Variants in UTS2 observed in about 807,000 individuals in gnomAD.
UTS2 encodes urotensin 2, also known as urotensin-2.
Under a neutral mutation model 12.6 loss-of-function variants are expected in UTS2, and 10 were observed. The ratio of observed to expected loss-of-function variants is 0.80; its 90% confidence interval spans 0.49 to 1.35. The LOEUF (loss-of-function observed/expected upper bound fraction) is 1.35. UTS2 is among the 40% of genes most tolerant of loss of function. The probability of loss-of-function intolerance (pLI) is 0.00; values close to 1 mark genes in which losing one functional copy is unlikely to be tolerated. For missense variants in UTS2, 142 were observed against 143.2 expected, an observed-to-expected ratio of 0.99 and a Z score of 0.04; for synonymous variants, 52 against 50.0, an observed-to-expected ratio of 1.04 and a Z score of -0.17.
At chr1:7,862,169 G>A in the UTS2 span, among the ~76,000 whole-genome samples, 10 of 149,542 alleles carry the variant, frequency 6.7e-5, no homozygotes, top group Admixed American at 1.3e-4. Context: ...CCCCGCCCCC[G>A]CAACTTCGGC....
chr1:7,909,627 A>ATTTTT, the UTS2 span, among the ~76,000 whole-genome samples: 28 of 151,570 alleles, frequency 1.8e-4, 1 homozygote, highest in Admixed American at 1.2e-3. Context: ...GCACTATTTT[A>ATTTTT]TATTTTTTTT....
chr1:7,865,513 G>A, the UTS2 span, among the ~76,000 whole-genome samples: 1 of 125,548 alleles, frequency 8.0e-6, no homozygotes, highest in Non-Finnish European at 1.9e-5. Flanking sequence ...TCTTCCCCCT[G>A]TGTCCTCCCA....
At chr1:7,853,110 G>C, upstream of UTS2, 1 of 1,453,250 alleles carries the variant, frequency 6.9e-7, no homozygotes, top group Non-Finnish European at 9.1e-7. Flanking sequence ...CCTATGACCT[G>C]ACATCATCCT....
At chr1:7,863,624 T>C in the UTS2 span, among the ~76,000 whole-genome samples, 1 of 152,180 alleles carries the variant, frequency 6.6e-6, no homozygotes. Context: ...CCAAATGGCA[T>C]TTACTGAATG....
the UTS2 span, among the ~76,000 whole-genome samples, chr1:7,863,761 C>A: frequency 6.6e-6 from 1 of 152,214 alleles, no homozygotes; most frequent in African/African-American, 2.4e-5. Context: ...TGTGTAAGAA[C>A]CCCCCATCCC....
At chr1:7,905,028 G>C in the UTS2 span, among the ~76,000 whole-genome samples, 1 of 151,752 alleles carries the variant, frequency 6.6e-6, no homozygotes, top group African/African-American at 2.4e-5. Context: ...ATACCTCTGC[G>C]ATGGTTAATT....
the UTS2 span, among the ~76,000 whole-genome samples, chr1:7,894,142 T>TC: frequency 0.048 from 7,300 of 151,914 alleles, 215 homozygotes; most frequent in Middle Eastern, 0.12. Context: ...CTTTTTTTTT[T>TC]TTCTTCTTCT....
At chr1:7,874,733 C>T in the UTS2 span, among the ~76,000 whole-genome samples, 48,753 of 152,072 alleles carry the variant, frequency 0.32, 8,876 homozygotes, top group South Asian at 0.46. Flanking sequence ...AATCTCATCT[C>T]CAGTTGTAAT....
At chr1:7,886,381 G>A in the UTS2 span, among the ~76,000 whole-genome samples, 22,018 of 152,218 alleles carry the variant, frequency 0.14, 1,917 homozygotes, top group Non-Finnish European at 0.18. Flanking sequence ...TTAATATATT[G>A]TTCAAGCTAG....
chr1:7,898,483 GT>G, the UTS2 span, among the ~76,000 whole-genome samples: 5 of 148,120 alleles, frequency 3.4e-5, no homozygotes, highest in African/African-American at 1.2e-4. Context: ...TTTGTTTTTT[GT>G]TTTTTTTTTG....
At chr1:7,879,589 A>C in the UTS2 span, among the ~76,000 whole-genome samples, 1 of 152,126 alleles carries the variant, frequency 6.6e-6, no homozygotes, top group African/African-American at 2.4e-5. Flanking sequence ...AAAAATACAA[A>C]AATTAGCTTG....
chr1:7,890,972 C>CCCCA, the UTS2 span, among the ~76,000 whole-genome samples: 1 of 151,196 alleles, frequency 6.6e-6, no homozygotes, highest in Non-Finnish European at 1.5e-5. Flanking sequence ...CCTCCACCCC[C>CCCCA]CCCCACAAAA....
the UTS2 span, among the ~76,000 whole-genome samples, chr1:7,890,442 A>G: frequency 6.6e-6 from 1 of 152,152 alleles, no homozygotes; most frequent in Non-Finnish European, 1.5e-5. Context: ...AAATTTAGGA[A>G]GCCCTATAAT....
upstream of UTS2, chr1:7,853,124 C>CA (rs34962249): frequency 0.098 from 121,415 of 1,233,838 alleles, 24 homozygotes; most frequent in East Asian, 0.15. Context: ...TCATCCTCTC[C>CA]AAAAAAAAAA....
chr1:7,877,148 A>AAAAAAAAG, the UTS2 span, among the ~76,000 whole-genome samples: 3 of 103,722 alleles, frequency 2.9e-5, no homozygotes, highest in Non-Finnish European at 2.2e-5. Context: ...AAAAAGAAAA[A>AAAAAAAAG]AAAAAGAAAC....
the UTS2 span, among the ~76,000 whole-genome samples, chr1:7,881,725 CA>C: frequency 6.6e-6 from 1 of 152,090 alleles, no homozygotes; most frequent in Non-Finnish European, 1.5e-5. Flanking sequence ...TCTATATATT[CA>C]ATGCAATCCC....
At chr1:7,906,487 G>GAAAGAAAGAAAGAAAGA in the UTS2 span, among the ~76,000 whole-genome samples, 2 of 125,960 alleles carry the variant, frequency 1.6e-5, no homozygotes, top group African/African-American at 5.9e-5. Flanking sequence ...AAGAAAGAAA[G>GAAAGAAAGAAAGAAAGA]AAAGAAAGAA....
chr1:7,858,398 G>A (rs527891290), upstream of UTS2, among the ~76,000 whole-genome samples: 6 of 152,270 alleles, frequency 3.9e-5, no homozygotes, highest in South Asian at 2.1e-4. Flanking sequence ...CATTGTCTGC[G>A]TGTCATAAAG....
chr1:7,907,012 A>C, the UTS2 span, among the ~76,000 whole-genome samples: 3 of 152,258 alleles, frequency 2.0e-5, no homozygotes, highest in South Asian at 2.1e-4. Flanking sequence ...GCACTTTGGG[A>C]GACCAAGGGG....
Sources: gnomAD v4.1 joint callset for allele counts (sites outside exome capture counted in the v4.1 genomes callset) on GRCh38, gnomAD v4.1.1 for gene constraint, MANE v1.5 for transcripts, NCBI Gene and HGNC (gene_info 2026-07-23, HGNC 2026-07-21) for gene names.